Variants in RDH11 observed in about 807,000 individuals in gnomAD.
RDH11 encodes HCV core-binding protein HCBP12.
RDH11 carries 19 observed loss-of-function variants against 33.4 expected under a neutral mutation model. That is an observed-to-expected ratio of 0.57 (90% CI 0.40 to 0.83). The LOEUF (loss-of-function observed/expected upper bound fraction) is 0.83. Among genes scored for constraint, RDH11 ranks in the 40% least tolerant of loss-of-function variants. The pLI is 0.00. For synonymous variants in RDH11, 154 were observed against 155.3 expected, an observed-to-expected ratio of 0.99 and a Z score of 0.06; for missense variants, 353 against 389.0, an observed-to-expected ratio of 0.91 and a Z score of 0.78.
intron 5 of RDH11, among the ~76,000 whole-genome samples, chr14:67,687,256 C>G (rs7147404): frequency 0.86 from 130,951 of 152,188 alleles, 56,546 homozygotes; most frequent in Non-Finnish European, 0.88. Context: ...TAATTTTAAC[C>G]GTTTCCCATT....
At position 67,689,470 on chromosome 14, in the gene RDH11, C is replaced by A. The variant is rs138998009; in HGVS notation, c.664+742G>T. 9.0e-3 allele frequency among the ~76,000 whole-genome samples: 1,373 copies of A among 152,240 alleles called. 66 individuals carry two copies. Among genetic ancestry groups the A allele is most frequent in the Admixed American group, 0.076 (1,156 of 15,280 alleles). ...TTGATGCTTTGCAAGGGAGACCCTGCCCCTCCATATTCCCAGTACCTGTTT... is the reference window on the plus strand; with the variant it reads ...TTGATGCTTTGCAAGGGAGACCCTGACCCTCCATATTCCCAGTACCTGTTT... On this transcript the variant is annotated intron_variant, in intron 5 of 6. Coordinates refer to ENST00000381346, the MANE Select transcript of RDH11 (RefSeq NM_016026.4).
At chr14:67,693,561 C>T (rs563313926) in intron 1 of RDH11, among the ~76,000 whole-genome samples, 3 of 150,640 alleles carry the variant, frequency 2.0e-5, no homozygotes, top group South Asian at 4.2e-4. Flanking sequence ...ACACTTAAAA[C>T]AAAGAGAAGA....
At position 67,685,161 on chromosome 14, in the gene RDH11, T is replaced by C. The variant is rs1273773637; in HGVS notation, c.708A>G (p.Gln236=). 16 of 1,614,030 alleles carry C rather than the reference T, an allele frequency of 9.9e-6. No homozygotes were observed. Among genetic ancestry groups the C allele is most frequent in the Non-Finnish European group, 1.3e-5 (15 of 1,180,038 alleles). ...TTYSVHPGTV[Q]SELVRHSSFM... is the part of the protein sequence containing the mutation. ...AAGATGAGTGCCGAACCAGTTCAGA[T>C]TGGACTGTGCCAGGGTGTACAGAAT... The change falls in exon 6 of 7, where the codon CAA becomes CAG. Residue 236 remains glutamine (Q), a synonymous_variant. Coordinates refer to ENST00000381346, the MANE Select transcript of RDH11 (RefSeq NM_016026.4).
chr14:67,681,228 C>T (rs1363784965), intron 6 of RDH11, among the ~76,000 whole-genome samples: 2 of 152,212 alleles, frequency 1.3e-5, no homozygotes, highest in Admixed American at 6.5e-5. Context: ...ATTTGGAAGT[C>T]AGGAAGGCAG....
In RDH11 at chr14:67,677,354, GTTTT is replaced by G. The variant is rs888116194; in HGVS notation, c.*963_*966del. 4.0e-5 allele frequency: 1 copy of G among 24,714 alleles called. No individual in the cohort carries two copies. The highest frequency in any genetic ancestry group is 1.4e-4 in the African/African-American group (1 of 7,066). The allele number at this position is 24,714 out of a possible 1,614,324, so 1.5% of individuals were successfully genotyped here. The stretch of plus-strand genomic sequence containing the variant: ...GAAGAATTGTTTTTTTTGTTTGTTT[GTTTT>G]TAGGATTTTTTTTTTTTTTTTTTTT... On this transcript the variant is annotated 3_prime_UTR_variant, in exon 7 of 7. Coordinates refer to ENST00000381346, the MANE Select transcript of RDH11 (RefSeq NM_016026.4).
intron 4 of RDH11, chr14:67,690,726 G>A (rs1006516996): frequency 1.7e-5 from 7 of 405,484 alleles, no homozygotes; most frequent in South Asian, 2.5e-5. Flanking sequence ...GCTCACGCCG[G>A]TAATCTCAGC....
chr14:67,687,179 T>A (rs1273449052), intron 5 of RDH11, among the ~76,000 whole-genome samples: 2 of 152,166 alleles, frequency 1.3e-5, no homozygotes, highest in East Asian at 3.8e-4. Context: ...CAAACTACCC[T>A]CATTTCTCAC....
chr14:67,677,913 G>C lies in RDH11; in HGVS notation c.*408C>G, dbSNP rs567432351. 88 of 157,384 alleles carry C rather than the reference G, an allele frequency of 5.6e-4. No individual in the cohort carries two copies. The highest frequency in any genetic ancestry group is 3.2e-3 in the Admixed American group (51 of 15,752). 9.7% of individuals were successfully genotyped at this position (157,384 alleles called of 1,614,324 possible). A position where few individuals can be genotyped will look rare whatever the true frequency, so the allele number is the denominator to read the frequency against. ...TTATTCATGTTAAGCTGAGGTTGCA[G>C]TGTGGCCCTCTTGAAGTGAAGACTG... is the stretch of plus-strand genomic sequence containing the variant. On this transcript the variant is annotated 3_prime_UTR_variant, in exon 7 of 7. Coordinates refer to ENST00000381346, the MANE Select transcript of RDH11 (RefSeq NM_016026.4).
chr14:67,690,943 C>A (rs2037741886), intron 4 of RDH11, 197 bp downstream of exon 4: 2 of 578,694 alleles, frequency 3.5e-6, no homozygotes, highest in African/African-American at 3.7e-5. Flanking sequence ...ATCTAAATCA[C>A]AGATTAAAAA....
intron 3 of RDH11, 97 bp downstream of exon 3, chr14:67,692,341 C>T: frequency 7.5e-7 from 1 of 1,325,806 alleles, no homozygotes; most frequent in Non-Finnish European, 1.1e-6. Flanking sequence ...ATATTTTATC[C>T]ACCACTTCTA....
chr14:67,695,331 G>C (rs2140089830), intron 1 of RDH11, among the ~76,000 whole-genome samples: 1 of 152,288 alleles, frequency 6.6e-6, no homozygotes, highest in South Asian at 2.1e-4. Flanking sequence ...AAGCGTTTGA[G>C]GTAGCCTTAC....
At chr14:67,687,118 AC>A (rs1413858708) in intron 5 of RDH11, among the ~76,000 whole-genome samples, 1 of 152,118 alleles carries the variant, frequency 6.6e-6, no homozygotes, top group East Asian at 1.9e-4. Flanking sequence ...GCTTTCCCAA[AC>A]CAAATCTCTC....
intron 5 of RDH11, among the ~76,000 whole-genome samples, chr14:67,688,853 AAAG>A (rs1181865336): frequency 3.3e-5 from 5 of 152,178 alleles, no homozygotes; most frequent in Admixed American, 2.0e-4. Flanking sequence ...AAACCAAACC[AAAG>A]AAGAGACTAT....
chr14:67,682,744 T>C (rs2037629901), intron 6 of RDH11, among the ~76,000 whole-genome samples: 1 of 152,202 alleles, frequency 6.6e-6, no homozygotes. Context: ...TCCACTTCCA[T>C]GTACCCAAGA....
chr14:67,695,741 A>C lies in RDH11; in HGVS notation c.-38T>G. ...CAGCGGCACCAGAGCGGGATGCTCCAGCGTTGCTCGCCGACTATGGCTTCT... is the reference window on the plus strand; with the variant it reads ...CAGCGGCACCAGAGCGGGATGCTCCCGCGTTGCTCGCCGACTATGGCTTCT... On this transcript the variant is annotated 5_prime_UTR_variant, in exon 1 of 7. Transcript: ENST00000381346. 6 of 1,600,978 alleles carry C rather than the reference A, an allele frequency of 3.7e-6. No homozygotes were observed. The highest frequency in any genetic ancestry group is 3.4e-6 in the Non-Finnish European group (4 of 1,169,932).
chr14:67,695,562 G>A, intron 1 of RDH11, 68 bp downstream of exon 1: 1 of 1,483,768 alleles, frequency 6.7e-7, no homozygotes, highest in South Asian at 1.2e-5. Flanking sequence ...AGCTTTGGTG[G>A]GGATTCTATG....
In RDH11 at chr14:67,691,264, G is replaced by A; in HGVS notation, c.350-20C>T. 3 of 1,573,690 alleles carry A rather than the reference G, an allele frequency of 1.9e-6. No homozygotes were observed. Among genetic ancestry groups the A allele is most frequent in the East Asian group, 2.2e-5 (1 of 44,702 alleles). Reference sequence around the variant, plus strand: ...TTTCCTCTGCAGGGACAAGACGATGGAGCGTGGAAGTGGCTAGCCAAGGCT... The same window carrying A: ...TTTCCTCTGCAGGGACAAGACGATGAAGCGTGGAAGTGGCTAGCCAAGGCT... On this transcript the variant is annotated intron_variant, in intron 3 of 6. Transcript: ENST00000381346.
chr14:67,680,971 T>C (rs911788715), intron 6 of RDH11, among the ~76,000 whole-genome samples: 1 of 152,214 alleles, frequency 6.6e-6, no homozygotes, highest in Non-Finnish European at 1.5e-5. Context: ...CTTATATTTA[T>C]GGTCAATTGA....
intron 4 of RDH11, 75 bp from the exon 5 acceptor site, chr14:67,690,496 C>T: frequency 8.3e-7 from 1 of 1,197,728 alleles, no homozygotes; most frequent in Non-Finnish European, 1.2e-6. Context: ...GCAGGCCTCA[C>T]CTATGGGAGG....
Sources: allele counts gnomAD v4.1 joint callset (sites outside exome capture counted in the v4.1 genomes callset), GRCh38; gene constraint gnomAD v4.1.1; transcripts MANE v1.5; gene names NCBI Gene and HGNC (gene_info 2026-07-23, HGNC 2026-07-21).